Variants in CDYL observed in about 807,000 individuals in gnomAD.
The protein encoded by CDYL is chromodomain Y-like protein.
In CDYL, 8 loss-of-function variants were observed where a neutral mutation model predicts 47.3. The ratio of observed to expected loss-of-function variants is 0.17; its 90% CI spans 0.10 to 0.31. The LOEUF (loss-of-function observed/expected upper bound fraction) is 0.31, where lower values mean the gene tolerates loss of function less well. Ranked by LOEUF, CDYL falls within the 10% of genes least tolerant of loss-of-function variation. The pLI is 1.00. For synonymous variants in CDYL, 266 were observed against 265.0 expected, an observed-to-expected ratio of 1.00 and a Z score of -0.04; for missense variants, 471 against 701.4, an observed-to-expected ratio of 0.67 and a Z score of 3.71.
At chr6:4,859,510 C>T (rs1165819290) in intron 1 of CDYL, among the ~76,000 whole-genome samples, 1 of 152,148 alleles carries the variant, frequency 6.6e-6, no homozygotes, top group African/African-American at 2.4e-5. Context: ...CACTCACTCC[C>T]TCTGTAAGGA....
At chr6:4,944,500 C>T (rs529649109) in intron 5 of CDYL, among the ~76,000 whole-genome samples, 1 of 152,318 alleles carries the variant, frequency 6.6e-6, no homozygotes, top group South Asian at 2.1e-4. Flanking sequence ...GCCCTGTGGC[C>T]GTCTGCTAAC....
At chr6:4,889,862 G>A (rs552998169) in intron 1 of CDYL, 60 of 579,956 alleles carry the variant, frequency 1.0e-4, no homozygotes, top group Middle Eastern at 8.6e-4. Context: ...CACACCTACC[G>A]TTAGCTGCGG....
intron 2 of CDYL, among the ~76,000 whole-genome samples, chr6:4,725,723 C>A (rs1235459206): frequency 6.6e-6 from 1 of 152,242 alleles, no homozygotes; most frequent in African/African-American, 2.4e-5. Flanking sequence ...GAAGCAGCTC[C>A]AGCCTTGGCC....
intron 1 of CDYL, among the ~76,000 whole-genome samples, chr6:4,708,012 G>A (rs944005956): frequency 6.6e-6 from 1 of 151,144 alleles, no homozygotes; most frequent in African/African-American, 2.5e-5. Context: ...TGATGGCATT[G>A]TAGTTGGAAA....
intron 3 of CDYL, among the ~76,000 whole-genome samples, chr6:4,764,866 T>C (rs1017389505): frequency 6.6e-6 from 1 of 152,092 alleles, no homozygotes; most frequent in Non-Finnish European, 1.5e-5. Flanking sequence ...CACACACATA[T>C]ATATAATAGA....
chr6:4,833,413 T>G lies in CDYL; in HGVS notation c.24+56606T>G, dbSNP rs1252861037. On this transcript the variant is annotated intron_variant, in intron 1 of 6. Transcript: ENST00000397588. ...TGAGTTTCTTAATCCTGAGTTCTAGTTTGATTGCACTGTGGTCTGAGAGAT... is the reference window on the plus strand; with the variant it reads ...TGAGTTTCTTAATCCTGAGTTCTAGGTTGATTGCACTGTGGTCTGAGAGAT... 4.6e-5 allele frequency among the ~76,000 whole-genome samples: 7 copies of G among 150,934 alleles called. No individual in the cohort carries two copies. In the South Asian group the frequency reaches 1.3e-3, roughly 27 times the overall value.
chr6:4,913,228 G>T (rs1052634802), intron 2 of CDYL, among the ~76,000 whole-genome samples: 1 of 152,206 alleles, frequency 6.6e-6, no homozygotes, highest in Non-Finnish European at 1.5e-5. Flanking sequence ...TCTCTTGAAT[G>T]AGGGTAATTT....
intron 3 of CDYL, among the ~76,000 whole-genome samples, chr6:4,747,611 C>T (rs1757920741): frequency 2.0e-5 from 3 of 152,146 alleles, no homozygotes; most frequent in African/African-American, 7.2e-5. Context: ...CCTTAGAGAG[C>T]CTGTACCAGC....
chr6:4,866,853 C>T (rs941826756), intron 1 of CDYL, among the ~76,000 whole-genome samples: 2 of 151,912 alleles, frequency 1.3e-5, no homozygotes, highest in Non-Finnish European at 2.9e-5. Flanking sequence ...AGAGAGTTCA[C>T]GGATGTATTC....
intron 2 of CDYL, among the ~76,000 whole-genome samples, chr6:4,894,774 C>A (rs190211836): frequency 1.4e-4 from 21 of 151,972 alleles, no homozygotes; most frequent in African/African-American, 4.8e-4. Context: ...AGAGAGGATA[C>A]CTGATCTCTG....
At chr6:4,900,204 G>A (rs925246058) in intron 2 of CDYL, among the ~76,000 whole-genome samples, 3 of 152,064 alleles carry the variant, frequency 2.0e-5, no homozygotes, top group African/African-American at 7.2e-5. Context: ...ATCATACTAC[G>A]TAATTTGTTC....
chr6:4,840,828 C>G (rs1247651659), intron 1 of CDYL, among the ~76,000 whole-genome samples: 1 of 152,050 alleles, frequency 6.6e-6, no homozygotes, highest in Non-Finnish European at 1.5e-5. Flanking sequence ...CATCTATATT[C>G]ATCAGCGATT....
intron 2 of CDYL, among the ~76,000 whole-genome samples, chr6:4,917,075 T>C (rs887650660): frequency 1.3e-5 from 2 of 152,240 alleles, no homozygotes; most frequent in African/African-American, 4.8e-5. Flanking sequence ...TTCTGTACTT[T>C]GTGGATTCTA....
chr6:4,755,525 A>T (rs1417821540), intron 3 of CDYL, among the ~76,000 whole-genome samples: 1 of 152,196 alleles, frequency 6.6e-6, no homozygotes, highest in Admixed American at 6.5e-5. Context: ...CCTGAATATC[A>T]CTTGAGTTCC....
At chr6:4,749,275 G>T (rs1443286727) in intron 3 of CDYL, among the ~76,000 whole-genome samples, 1 of 150,852 alleles carries the variant, frequency 6.6e-6, no homozygotes, top group Non-Finnish European at 1.5e-5. Context: ...TTTCGATAGG[G>T]TTTTGTTGGA....
intron 1 of CDYL, among the ~76,000 whole-genome samples, chr6:4,862,815 T>G (rs1416341089): frequency 1.3e-5 from 2 of 152,196 alleles, no homozygotes; most frequent in African/African-American, 4.8e-5. Flanking sequence ...GAACTAAAAT[T>G]AGAACTGTCA....
intron 3 of CDYL, among the ~76,000 whole-genome samples, chr6:4,756,586 G>GTGTC (rs562806607): frequency 0.01 from 1,520 of 149,772 alleles, 8 homozygotes; most frequent in Middle Eastern, 0.021. Flanking sequence ...GTGTATGTGT[G>GTGTC]TGTGTGTGTG....
At chr6:4,857,158 G>C (rs76227916) in intron 1 of CDYL, among the ~76,000 whole-genome samples, 2 of 152,106 alleles carry the variant, frequency 1.3e-5, no homozygotes, top group Admixed American at 6.5e-5. Context: ...TGAAATATAC[G>C]TGACAAAGTT....
At chr6:4,723,725 G>C (rs1757420648) in intron 2 of CDYL, among the ~76,000 whole-genome samples, 1 of 152,176 alleles carries the variant, frequency 6.6e-6, no homozygotes, top group Non-Finnish European at 1.5e-5. Flanking sequence ...GAGCAGGGCA[G>C]AGTGAGTCTG....
Sources: allele counts gnomAD v4.1 joint callset (sites outside exome capture counted in the v4.1 genomes callset), GRCh38; gene constraint gnomAD v4.1.1; transcripts MANE v1.5; gene names NCBI Gene and HGNC (gene_info 2026-07-23, HGNC 2026-07-21).